RASA2: variants seen among roughly 807,000 people sequenced by gnomAD.
RASA2 encodes ras GTPase-activating protein 2.
A neutral mutation model predicts 118.2 loss-of-function variants in RASA2; 155 were observed. That is an observed-to-expected ratio of 1.31 (90% CI 1.15 to 1.50). The LOEUF (loss-of-function observed/expected upper bound fraction) is 1.50. Among genes scored for constraint, RASA2 ranks in the 40% most tolerant of loss-of-function variants. The pLI, the probability that RASA2 is intolerant of heterozygous loss-of-function variation, is 0.00. For missense variants in RASA2, 1,016 were observed against 1,009.6 expected (o/e 1.01, Z -0.09); for synonymous variants, 353 against 349.1 (o/e 1.01, Z -0.12).
Position 141,567,288 on chromosome 3 carries a change from C to T in RASA2, c.864-3624C>T, listed in dbSNP as rs185288930. On this transcript the variant is annotated intron_variant, in intron 9 of 23. Coordinates refer to ENST00000286364, the MANE Select transcript of RASA2 (RefSeq NM_006506.5). ...AAAATTAGCCCGGTGTGGTGGCCCGCGCCTGTAGTCCCAGCTACTCGGGAG... is the reference window on the plus strand; with the variant it reads ...AAAATTAGCCCGGTGTGGTGGCCCGTGCCTGTAGTCCCAGCTACTCGGGAG... Among the ~76,000 whole-genome samples the T allele has an allele frequency of 1.9e-3, 293 of 151,836 alleles. 5 individuals are homozygous for T. Among genetic ancestry groups the T allele is most frequent in the Non-Finnish European group, 4.9e-4 (33 of 67,966 alleles).
At chr3:141,608,804 A>G in intron 21 of RASA2, 107 bp downstream of exon 21, 1 of 1,226,870 alleles carries the variant, frequency 8.2e-7, no homozygotes, top group Non-Finnish European at 1.1e-6. Context: ...TCCATGCAAC[A>G]ACAAGGATGG....
At chr3:141,541,228 A>G (rs1044458358) in intron 5 of RASA2, among the ~76,000 whole-genome samples, 4 of 152,106 alleles carry the variant, frequency 2.6e-5, no homozygotes, top group Non-Finnish European at 5.9e-5. Context: ...TATCCCACAA[A>G]GTACAGCAGT....
chr3:141,564,926 A>T (rs562271837), intron 9 of RASA2, among the ~76,000 whole-genome samples: 1 of 152,266 alleles, frequency 6.6e-6, no homozygotes, highest in African/African-American at 2.4e-5. Flanking sequence ...TTAATAATTG[A>T]CCTGCTTTTA....
At chr3:141,513,732 C>G (rs73869653) in intron 2 of RASA2, among the ~76,000 whole-genome samples, 1 of 152,154 alleles carries the variant, frequency 6.6e-6, no homozygotes, top group Admixed American at 6.5e-5. Flanking sequence ...CAACTGTTTT[C>G]TAGACAAGAT....
chr3:141,584,285 C>T (rs1276844055), intron 17 of RASA2, among the ~76,000 whole-genome samples: 4 of 140,604 alleles, frequency 2.8e-5, no homozygotes, highest in Non-Finnish European at 4.5e-5. Context: ...GAGCCGAGAT[C>T]GCACCATTGC....
In RASA2 at chr3:141,581,094, T is replaced by C; in HGVS notation, c.1675-6T>C. On this transcript the variant is annotated splice_region_variant and splice_polypyrimidine_tract_variant and intron_variant, in intron 16 of 23. Coordinates refer to ENST00000286364, the MANE Select transcript of RASA2 (RefSeq NM_006506.5). ...ACATATAAACCCTGTGTTTGTTTTTTCTTAGTCAAGTTTCAAAGAGACATT... is the reference window on the plus strand; with the variant it reads ...ACATATAAACCCTGTGTTTGTTTTTCCTTAGTCAAGTTTCAAAGAGACATT... The C allele has an allele frequency of 1.3e-6, 2 of 1,524,090 alleles. No homozygotes were observed. The highest frequency in any genetic ancestry group is 1.7e-6 in the Non-Finnish European group (2 of 1,143,880). The allele number at this position is 1,524,090 out of a possible 1,614,324, so 94.4% of individuals were successfully genotyped here.
At chr3:141,560,498 T>A (rs2082715294) in intron 9 of RASA2, among the ~76,000 whole-genome samples, 1 of 152,102 alleles carries the variant, frequency 6.6e-6, no homozygotes, top group South Asian at 2.1e-4. Context: ...ATGTCTAAGG[T>A]CTTATGTTGT....
chr3:141,602,533 C>T (rs2083480681), intron 19 of RASA2, among the ~76,000 whole-genome samples: 1 of 152,172 alleles, frequency 6.6e-6, no homozygotes, highest in African/African-American at 2.4e-5. Flanking sequence ...AGTCTATGGT[C>T]CAGATTTTGG....
intron 1 of RASA2, among the ~76,000 whole-genome samples, chr3:141,490,354 A>C (rs901494892): frequency 2.0e-5 from 3 of 149,306 alleles, no homozygotes; most frequent in Admixed American, 6.8e-5. Context: ...AAAAAAAAAA[A>C]AAACCGTATT....
intron 4 of RASA2, 100 bp downstream of exon 4, chr3:141,529,902 TATTTTAAATTCTAGC>T (rs2082236816): frequency 1.2e-6 from 1 of 859,020 alleles, no homozygotes; most frequent in Non-Finnish European, 1.8e-6. Context: ...TATTATACCT[TATTTTAAATTCTAGC>T]ATCAAATATT....
intron 1 of RASA2, among the ~76,000 whole-genome samples, chr3:141,511,381 G>A (rs560609553): frequency 6.6e-6 from 1 of 152,252 alleles, no homozygotes; most frequent in South Asian, 2.1e-4. Flanking sequence ...AGAGAAGGAA[G>A]AGAAGGTGGT....
Position 141,580,290 on chromosome 3 carries a change from C to T in RASA2, c.1591-78C>T, listed in dbSNP as rs2083090328. ...GTCATTGTTTTACAGCAATGTAGTCCATTTACTCTATTCTACTTTTTTATA... is the reference window on the plus strand; with the variant it reads ...GTCATTGTTTTACAGCAATGTAGTCTATTTACTCTATTCTACTTTTTTATA... On this transcript the variant is annotated intron_variant, in intron 15 of 23. Transcript: ENST00000286364. 5 of 1,071,506 alleles carry T rather than the reference C, an allele frequency of 4.7e-6. No homozygotes were observed. In the Admixed American group the frequency reaches 8.9e-5, roughly 19 times the overall value. The allele number at this position is 1,071,506 out of a possible 1,614,324, so 66.4% of individuals were successfully genotyped here.
At position 141,573,135 on chromosome 3, in the gene RASA2, T is replaced by G. The variant is rs376543672; in HGVS notation, c.1285-12T>G. On this transcript the variant is annotated splice_polypyrimidine_tract_variant and intron_variant, in intron 12 of 23. Transcript: ENST00000286364. ...TAGAAAAAAATCATTAACTGAAAAA[T>G]TTATTTTTCAGATATGTGACTCCTC... 2.6e-6 allele frequency: 4 copies of G among 1,551,990 alleles called. No homozygotes were observed. Among genetic ancestry groups the G allele is most frequent in the Non-Finnish European group, 2.6e-6 (3 of 1,157,844 alleles).
chr3:141,568,730 A>C (rs907550923), intron 9 of RASA2, among the ~76,000 whole-genome samples: 3 of 152,090 alleles, frequency 2.0e-5, no homozygotes, highest in Non-Finnish European at 4.4e-5. Flanking sequence ...TACAAAAAGA[A>C]TCTCCATTCA....
In RASA2 at chr3:141,608,563, A is replaced by T; in HGVS notation, c.2091A>T (p.Ile697=). ...ACTGTGTAGAAGCTAATGAATGGATAGACGTACTCTGCAGGGTGAGCCGAT... is the reference window on the plus strand; with the variant it reads ...ACTGTGTAGAAGCTAATGAATGGATTGACGTACTCTGCAGGGTGAGCCGAT... ...ANNCVEANEW[I]DVLCRVSRCN... The change falls in exon 21 of 24, where the codon ATA becomes ATT. Residue 697 remains isoleucine (I), a synonymous_variant. Coordinates refer to ENST00000286364, the MANE Select transcript of RASA2 (RefSeq NM_006506.5). 1 of 1,614,028 alleles carries T rather than the reference A, an allele frequency of 6.2e-7. No individual in the cohort carries two copies. Among genetic ancestry groups the T allele is most frequent in the Non-Finnish European group, 8.5e-7 (1 of 1,179,914 alleles).
rs551684673 is a variant in RASA2, at chr3:141,589,858, A to G, written c.1933+3106A>G. On this transcript the variant is annotated intron_variant, in intron 19 of 23. Transcript: ENST00000286364. Reference sequence around the variant, plus strand: ...TCTGTCTCCAAAAAAAAAAGAAAAAAAAAAGAATCTCTGTTCTGTCCACTG... The same window carrying G: ...TCTGTCTCCAAAAAAAAAAGAAAAAGAAAAGAATCTCTGTTCTGTCCACTG... 2.0e-4 allele frequency among the ~76,000 whole-genome samples: 31 copies of G among 152,244 alleles called. 1 individual carries two copies. The highest frequency in any genetic ancestry group is 3.7e-4 in the Non-Finnish European group (25 of 68,018).
At chr3:141,607,510 CT>C (rs1429809802) in intron 19 of RASA2, among the ~76,000 whole-genome samples, 167 bp from the exon 20 acceptor site, 1 of 152,124 alleles carries the variant, frequency 6.6e-6, no homozygotes, top group Admixed American at 6.5e-5. Flanking sequence ...CAAAATTCAT[CT>C]GTTCCATGAA....
intron 2 of RASA2, among the ~76,000 whole-genome samples, chr3:141,515,312 T>C (rs1394628294): frequency 1.3e-5 from 2 of 152,206 alleles, no homozygotes; most frequent in African/African-American, 4.8e-5. Context: ...TATTATGTAT[T>C]GTAAATAATA....
At position 141,609,501 on chromosome 3, in the gene RASA2, A is replaced by T. The variant is rs141310259; in HGVS notation, c.2307A>T (p.Leu769Phe). The T allele has an allele frequency of 2.9e-5, 47 of 1,593,656 alleles. No homozygotes were observed. In the African/African-American group the frequency reaches 3.9e-4, roughly 13 times the overall value. The part of the protein sequence containing the change: ...ERIYSLFTLS[L>F]LKLQKMEEAC... The stretch of plus-strand genomic sequence containing the variant: ...TTTATTCCCTTTTTACCCTCAGTTT[A>T]CTTAAGCTGCAGAAGATGGAAGGTA... The change falls in exon 22 of 24, where the codon TTA becomes TTT. Residue 769 changes from leucine (L) to phenylalanine (F), a missense_variant. By Grantham distance (22) the Leu-to-Phe change is conservative. Coordinates refer to ENST00000286364, the MANE Select transcript of RASA2 (RefSeq NM_006506.5).
Sources: allele counts gnomAD v4.1 joint callset (sites outside exome capture counted in the v4.1 genomes callset), GRCh38; gene constraint gnomAD v4.1.1; transcripts MANE v1.5; gene names NCBI Gene and HGNC (gene_info 2026-07-23, HGNC 2026-07-21).